DPP10: variants seen among roughly 807,000 people sequenced by gnomAD.
DPP10 encodes the protein inactive dipeptidyl peptidase 10.
In DPP10, 33 loss-of-function variants were observed where a neutral mutation model predicts 120.9. That is an observed-to-expected ratio of 0.27 (90% CI 0.21 to 0.37). DPP10 has a LOEUF of 0.37. Among genes scored for constraint, DPP10 ranks in the 10% least tolerant of loss-of-function variants. The pLI, the probability that DPP10 is intolerant of heterozygous loss-of-function variation, is 1.00. For synonymous variants in DPP10, 337 were observed against 326.1 expected (o/e 1.03, Z -0.36); for missense variants, 816 against 942.8 (o/e 0.87, Z 1.76).
intron 3 of DPP10, among the ~76,000 whole-genome samples, chr2:115,392,600 G>C (rs1480237028): frequency 6.6e-6 from 1 of 151,960 alleles, no homozygotes; most frequent in African/African-American, 2.4e-5. Flanking sequence ...AATTTATATA[G>C]GATATTATCT....
chr2:115,180,266 A>G (rs1330993497), intron 1 of DPP10, among the ~76,000 whole-genome samples: 1 of 152,184 alleles, frequency 6.6e-6, no homozygotes, highest in Non-Finnish European at 1.5e-5. Context: ...TTTTTCAAGA[A>G]TCTTATTAAG....
intron 1 of DPP10, among the ~76,000 whole-genome samples, chr2:114,961,030 C>T (rs1428800407): frequency 8.0e-6 from 1 of 124,676 alleles, no homozygotes; most frequent in African/African-American, 3.1e-5. Context: ...CATCTCTATA[C>T]GCCTTTTTTT....
chr2:114,569,925 T>A (rs759588953), intron 1 of DPP10, among the ~76,000 whole-genome samples: 3 of 152,208 alleles, frequency 2.0e-5, no homozygotes, highest in African/African-American at 2.4e-5. Context: ...AATCAATGTA[T>A]CATTTATTTA....
intron 2 of DPP10, among the ~76,000 whole-genome samples, chr2:115,313,872 T>C (rs1294093770): frequency 6.6e-6 from 1 of 152,202 alleles, no homozygotes; most frequent in Non-Finnish European, 1.5e-5. Context: ...TCAGATGCAT[T>C]GATGAAGCCT....
At chr2:114,555,941 T>TG (rs1387506897) in intron 1 of DPP10, among the ~76,000 whole-genome samples, 2 of 151,986 alleles carry the variant, frequency 1.3e-5, no homozygotes, top group Non-Finnish European at 2.9e-5. Flanking sequence ...CAGGAAGGCA[T>TG]GGATGGGAAG....
At chr2:115,368,526 TATC>T (rs1366002318) in intron 3 of DPP10, among the ~76,000 whole-genome samples, 5 of 152,096 alleles carry the variant, frequency 3.3e-5, no homozygotes, top group African/African-American at 4.8e-5. Context: ...TGAAGCACCA[TATC>T]ATATCACACT....
chr2:114,778,729 G>A (rs1009056921), intron 1 of DPP10, among the ~76,000 whole-genome samples: 4 of 151,910 alleles, frequency 2.6e-5, no homozygotes, highest in Non-Finnish European at 5.9e-5. Flanking sequence ...GTTTAAAATC[G>A]GTCGCATGAC....
At chr2:114,526,225 G>A (rs75010652) in intron 1 of DPP10, among the ~76,000 whole-genome samples, 8,465 of 152,214 alleles carry the variant, frequency 0.056, 281 homozygotes, top group South Asian at 0.11. Flanking sequence ...CTCAACATTA[G>A]TTATGTTGTT....
At chr2:115,714,259 T>C (rs1395644713) in intron 7 of DPP10, among the ~76,000 whole-genome samples, 1 of 152,218 alleles carries the variant, frequency 6.6e-6, no homozygotes, top group Non-Finnish European at 1.5e-5. Context: ...TTAATTGTTA[T>C]ATTACAGTAA....
chr2:115,772,805 C>A (rs1182379299), intron 13 of DPP10, among the ~76,000 whole-genome samples: 3 of 152,116 alleles, frequency 2.0e-5, no homozygotes, highest in Non-Finnish European at 4.4e-5. Context: ...AGGTATAGCA[C>A]CTTTTTCTCT....
chr2:115,522,189 T>G (rs1236006530), intron 4 of DPP10, among the ~76,000 whole-genome samples: 1 of 152,230 alleles, frequency 6.6e-6, no homozygotes, highest in Non-Finnish European at 1.5e-5. Flanking sequence ...GAGGAGCTAC[T>G]GTGCTCTTTT....
At chr2:114,520,927 G>A (rs1684992980) in intron 1 of DPP10, among the ~76,000 whole-genome samples, 1 of 152,166 alleles carries the variant, frequency 6.6e-6, no homozygotes, top group South Asian at 2.1e-4. Context: ...ATATACCAAA[G>A]TGGAAACTGA....
chr2:115,399,103 G>A (rs955131178), intron 3 of DPP10, among the ~76,000 whole-genome samples: 3 of 151,986 alleles, frequency 2.0e-5, no homozygotes, highest in African/African-American at 7.2e-5. Flanking sequence ...GTTGCTGTTG[G>A]TACCACCTCT....
intron 8 of DPP10, among the ~76,000 whole-genome samples, chr2:115,735,811 G>A (rs1676423420): frequency 1.3e-5 from 2 of 150,776 alleles, no homozygotes; most frequent in Admixed American, 1.3e-4. Context: ...GTGATTACAG[G>A]TGTGAGCCAC....
intron 1 of DPP10, among the ~76,000 whole-genome samples, chr2:115,215,613 G>A (rs1364635669): frequency 6.6e-6 from 1 of 151,736 alleles, no homozygotes; most frequent in Non-Finnish European, 1.5e-5. Context: ...AAAAATTACA[G>A]AAGTGGGCAA....
chr2:115,502,998 T>C (rs534062365), intron 4 of DPP10, among the ~76,000 whole-genome samples: 1 of 152,232 alleles, frequency 6.6e-6, no homozygotes, highest in East Asian at 1.9e-4. Context: ...TCACAGAGCT[T>C]GGCCCCCTAG....
intron 3 of DPP10, among the ~76,000 whole-genome samples, chr2:115,356,066 A>C (rs2106328674): frequency 6.6e-6 from 1 of 152,266 alleles, no homozygotes; most frequent in Non-Finnish European, 1.5e-5. Context: ...TATGAAATTT[A>C]AAGTCGTTTT....
chr2:114,865,918 G>A (rs1297882364), intron 1 of DPP10, among the ~76,000 whole-genome samples: 14 of 151,978 alleles, frequency 9.2e-5, no homozygotes, highest in Admixed American at 7.2e-4. Context: ...TTCAAGACCA[G>A]CCTGACCAAC....
intron 1 of DPP10, among the ~76,000 whole-genome samples, chr2:115,123,837 C>A (rs2049943229): frequency 6.6e-6 from 1 of 151,932 alleles, no homozygotes; most frequent in African/African-American, 2.4e-5. Flanking sequence ...ACGTTTGCCC[C>A]AAAAGAAGCC....
Sources: allele counts gnomAD v4.1 joint callset (sites outside exome capture counted in the v4.1 genomes callset), GRCh38; gene constraint gnomAD v4.1.1; transcripts MANE v1.5; gene names NCBI Gene and HGNC (gene_info 2026-07-23, HGNC 2026-07-21).